Variants in CNKSR2 observed in about 807,000 individuals in gnomAD.
CNKSR2 encodes the protein connector enhancer of kinase suppressor of Ras 2, also known as CNK homolog protein 2.
CNKSR2 carries 14 observed loss-of-function variants against 84.4 expected under a neutral mutation model. The ratio of observed to expected loss-of-function variants is 0.17; its 90% CI spans 0.11 to 0.26. The LOEUF (loss-of-function observed/expected upper bound fraction) is 0.26, where lower values mean the gene tolerates loss of function less well. Among genes scored for constraint, CNKSR2 ranks in the 10% least tolerant of loss-of-function variants. CNKSR2 has a pLI of 1.00. For missense variants in CNKSR2, 485 were observed against 771.2 expected (o/e 0.63, Z 4.40); for synonymous variants, 275 against 277.9 (o/e 0.99, Z 0.10).
chrX:21,644,101 A>ATAG (rs1315821241), intron 20 of CNKSR2: 3 of 111,926 alleles, frequency 2.7e-5, no homozygotes, highest in Non-Finnish European at 5.7e-5. Context: ...TGTGACAAGA[A>ATAG]TAGTGTTTCA....
At chrX:21,425,473 C>T (rs1444979354) in intron 1 of CNKSR2, 1 of 111,643 alleles carries the variant, frequency 9.0e-6, no homozygotes, top group Non-Finnish European at 1.9e-5. Flanking sequence ...TTCTCAATGG[C>T]TACATAATCT....
At chrX:21,613,543 A>G (rs1465408509) in intron 20 of CNKSR2, among the ~76,000 whole-genome samples, 1 of 112,575 alleles carries the variant, frequency 8.9e-6, no homozygotes, top group African/African-American at 3.2e-5. Context: ...AAGGGGGAAT[A>G]AAATCTATTA....
intron 13 of CNKSR2, among the ~76,000 whole-genome samples, chrX:21,582,385 A>G (rs1035016186): frequency 1.8e-5 from 2 of 112,218 alleles, no homozygotes; most frequent in Non-Finnish European, 3.8e-5. Flanking sequence ...ATGTACTTGC[A>G]TCACCTGTCA....
At chrX:21,396,517 T>A (rs1481008858) in intron 1 of CNKSR2, among the ~76,000 whole-genome samples, 1 of 111,327 alleles carries the variant, frequency 9.0e-6, no homozygotes, top group Non-Finnish European at 1.9e-5. Context: ...TTAACATGTA[T>A]GGTTTTATTA....
intron 13 of CNKSR2, among the ~76,000 whole-genome samples, chrX:21,589,342 A>C (rs2092406760): frequency 1.8e-5 from 2 of 112,306 alleles, no homozygotes; most frequent in African/African-American, 3.2e-5. Flanking sequence ...ATGAGCAATG[A>C]TACTAAATAA....
At chrX:21,418,368 G>C (rs1056601870) in intron 1 of CNKSR2, among the ~76,000 whole-genome samples, 3 of 111,254 alleles carry the variant, frequency 2.7e-5, no homozygotes, top group African/African-American at 9.8e-5. Flanking sequence ...TTTTTTTTGT[G>C]TGGTTACTAT....
intron 4 of CNKSR2, among the ~76,000 whole-genome samples, chrX:21,448,856 G>A (rs1286676106): frequency 8.9e-6 from 1 of 111,890 alleles, no homozygotes; most frequent in Admixed American, 9.5e-5. Flanking sequence ...ACCAACATCA[G>A]ATAGGTAATT....
chrX:21,445,507 A>G (rs1320395172), intron 4 of CNKSR2, among the ~76,000 whole-genome samples: 1 of 110,613 alleles, frequency 9.0e-6, no homozygotes, highest in Non-Finnish European at 1.9e-5. Flanking sequence ...ATTGGTAATT[A>G]TATTCATTCT....
intron 5 of CNKSR2, among the ~76,000 whole-genome samples, chrX:21,472,850 TTTAA>T (rs767812049): frequency 9.9e-5 from 11 of 111,245 alleles, no homozygotes; most frequent in African/African-American, 3.6e-4. Flanking sequence ...TAAATATAAT[TTTAA>T]TTAATTAGAC....
chrX:21,637,519 C>A (rs1241662658), intron 20 of CNKSR2: 1 of 111,087 alleles, frequency 9.0e-6, no homozygotes, highest in East Asian at 2.8e-4. Context: ...AAAATATTTT[C>A]CAACTCCTTC....
chrX:21,408,124 T>C (rs976813081), intron 1 of CNKSR2, among the ~76,000 whole-genome samples: 1 of 112,054 alleles, frequency 8.9e-6, no homozygotes, highest in African/African-American at 3.2e-5. Flanking sequence ...ATCTTTCCCA[T>C]ATACATTAAT....
At chrX:21,408,618 G>A (rs965514520) in intron 1 of CNKSR2, among the ~76,000 whole-genome samples, 2 of 111,166 alleles carry the variant, frequency 1.8e-5, no homozygotes, top group Non-Finnish European at 3.8e-5. Context: ...TCCACTCCAC[G>A]TTCTTTTTTG....
intron 1 of CNKSR2, among the ~76,000 whole-genome samples, chrX:21,377,812 G>A (rs1456749036): frequency 9.0e-6 from 1 of 110,694 alleles, no homozygotes; most frequent in East Asian, 2.8e-4. Flanking sequence ...AATGAAGGGG[G>A]AAAAAAAGCT....
chrX:21,470,715 A>G, intron 4 of CNKSR2, 51 bp from the exon 5 acceptor site: 1 of 628,485 alleles, frequency 1.6e-6, no homozygotes, highest in Non-Finnish European at 2.4e-6. Flanking sequence ...AAATATTTTT[A>G]AAAGAATGCT....
chrX:21,606,654 G>T, intron 18 of CNKSR2, 125 bp from the exon 19 acceptor site: 1 of 437,012 alleles, frequency 2.3e-6, no homozygotes, highest in Non-Finnish European at 3.8e-6. Context: ...GTAAGGTAGT[G>T]CTGGGGAACA....
intron 11 of CNKSR2, among the ~76,000 whole-genome samples, chrX:21,554,638 C>T (rs184138325): frequency 9.0e-6 from 1 of 111,676 alleles, no homozygotes; most frequent in East Asian, 2.8e-4. Flanking sequence ...CCAGCTCCAT[C>T]CAGGTCCCTG....
chrX:21,514,114 C>CTT (rs1196730558), intron 8 of CNKSR2, among the ~76,000 whole-genome samples: 1 of 111,682 alleles, frequency 9.0e-6, no homozygotes, highest in Non-Finnish European at 1.9e-5. Context: ...TATTTTGGAA[C>CTT]TTACTTTTTT....
At chrX:21,417,007 GTTGT>G (rs1241600761) in intron 1 of CNKSR2, among the ~76,000 whole-genome samples, 540 of 111,215 alleles carry the variant, frequency 4.9e-3, no homozygotes, top group Non-Finnish European at 8.6e-3. Flanking sequence ...GCATTGTTAG[GTTGT>G]TTATTTGAAG....
intron 10 of CNKSR2, among the ~76,000 whole-genome samples, chrX:21,530,964 C>T (rs958065922): frequency 9.1e-6 from 1 of 110,158 alleles, no homozygotes; most frequent in African/African-American, 3.3e-5. Context: ...CTTGCCATCA[C>T]CCTAAATGCC....
Sources: allele counts gnomAD v4.1 joint callset (sites outside exome capture counted in the v4.1 genomes callset), GRCh38; gene constraint gnomAD v4.1.1; transcripts MANE v1.5; gene names NCBI Gene and HGNC (gene_info 2026-07-23, HGNC 2026-07-21).